The following RABGAP1L variants were observed in gnomAD, a reference collection of about 807,000 sequenced individuals.
RABGAP1L encodes the protein RAB GTPase activating protein 1 like.
RABGAP1L carries 63 observed loss-of-function variants against 137.7 expected under a neutral mutation model. The ratio of observed to expected loss-of-function variants is 0.46; its 90% CI spans 0.37 to 0.56. RABGAP1L has a LOEUF of 0.56. RABGAP1L is among the 20% of genes least tolerant of loss of function. The pLI, the probability that RABGAP1L is intolerant of heterozygous loss-of-function variation, is 0.00. For missense variants in RABGAP1L, 1,095 were observed against 1,244.0 expected, an observed-to-expected ratio of 0.88 and a Z score of 1.80; for synonymous variants, 431 against 433.7, an observed-to-expected ratio of 0.99 and a Z score of 0.08.
At chr1:174,509,648 A>G (rs1442081487) in intron 13 of RABGAP1L, among the ~76,000 whole-genome samples, 2 of 152,264 alleles carry the variant, frequency 1.3e-5, no homozygotes, top group East Asian at 3.9e-4. Context: ...GTGATTCCCA[A>G]ACATATATTC....
At chr1:174,908,660 A>G (rs1046108543) in intron 19 of RABGAP1L, among the ~76,000 whole-genome samples, 28 of 148,046 alleles carry the variant, frequency 1.9e-4, no homozygotes, top group Admixed American at 9.0e-4. Context: ...CTCCTGCCTC[A>G]GCCTCCTGAG....
intron 10 of RABGAP1L, 127 bp from the exon 11 acceptor site, chr1:174,304,859 C>T: frequency 1.2e-6 from 1 of 809,220 alleles, no homozygotes; most frequent in Non-Finnish European, 1.8e-6. Context: ...GAACCTCAGA[C>T]ATGCTGTAGA....
chr1:174,800,545 T>C, intron 18 of RABGAP1L: 1 of 1,532,396 alleles, frequency 6.5e-7, no homozygotes, highest in Non-Finnish European at 8.8e-7. Flanking sequence ...GAATCTGCTA[T>C]CCTCTGTGAA....
chr1:174,988,007 C>T (rs1023745742), intron 24 of RABGAP1L, among the ~76,000 whole-genome samples: 1 of 152,090 alleles, frequency 6.6e-6, no homozygotes, highest in African/African-American at 2.4e-5. Flanking sequence ...GACGAGGTTT[C>T]ACCGTGTTAG....
chr1:174,207,963 G>C (rs1448396390), intron 1 of RABGAP1L, among the ~76,000 whole-genome samples: 1 of 152,080 alleles, frequency 6.6e-6, no homozygotes, highest in Non-Finnish European at 1.5e-5. Context: ...TACTCAAGTT[G>C]GGAAGAATTG....
At chr1:174,214,452 A>G (rs112267695) in intron 1 of RABGAP1L, among the ~76,000 whole-genome samples, 68 of 152,258 alleles carry the variant, frequency 4.5e-4, no homozygotes, top group Admixed American at 1.1e-3. Flanking sequence ...TATCAAAATA[A>G]CAATGACATT....
chr1:174,330,562 A>G (rs1680945277), intron 11 of RABGAP1L, among the ~76,000 whole-genome samples: 1 of 151,778 alleles, frequency 6.6e-6, no homozygotes, highest in South Asian at 2.1e-4. Context: ...TCCACCCTGA[A>G]TGACAGAGTG....
intron 13 of RABGAP1L, among the ~76,000 whole-genome samples, chr1:174,542,767 G>A (rs1052376156): frequency 2.0e-5 from 3 of 152,206 alleles, no homozygotes; most frequent in African/African-American, 7.2e-5. Flanking sequence ...TGCTTTAAAT[G>A]TGTCCCAGAG....
intron 17 of RABGAP1L, among the ~76,000 whole-genome samples, chr1:174,719,383 C>T (rs935090382): frequency 2.6e-5 from 4 of 152,072 alleles, no homozygotes; most frequent in South Asian, 2.1e-4. Context: ...ATAATAGACT[C>T]GATATCAAAT....
At chr1:174,232,456 G>T (rs1670747724) in intron 4 of RABGAP1L, among the ~76,000 whole-genome samples, 1 of 150,410 alleles carries the variant, frequency 6.6e-6, no homozygotes, top group African/African-American at 2.5e-5. Context: ...CTGCACTCCA[G>T]TCTGGGTGAC....
chr1:174,472,622 A>G (rs1232370901), intron 13 of RABGAP1L, among the ~76,000 whole-genome samples: 1 of 152,220 alleles, frequency 6.6e-6, no homozygotes, highest in Non-Finnish European at 1.5e-5. Flanking sequence ...GATGAGCTTA[A>G]TTACTCAAGT....
intron 7 of RABGAP1L, among the ~76,000 whole-genome samples, chr1:174,262,162 A>G (rs995583717): frequency 1.6e-4 from 24 of 152,176 alleles, no homozygotes; most frequent in Non-Finnish European, 2.5e-4. Flanking sequence ...TTTCAGGTGA[A>G]TAATTTGGGG....
At chr1:174,926,767 A>G (rs546533782) in intron 19 of RABGAP1L, among the ~76,000 whole-genome samples, 2 of 152,170 alleles carry the variant, frequency 1.3e-5, no homozygotes, top group South Asian at 4.2e-4. Flanking sequence ...CATCAACAGT[A>G]ACTTCTCTGT....
chr1:174,440,383 T>C (rs554547261), intron 13 of RABGAP1L, among the ~76,000 whole-genome samples: 4 of 152,258 alleles, frequency 2.6e-5, no homozygotes, highest in East Asian at 3.9e-4. Context: ...CAAGGCCACA[T>C]TGGAAGCCAC....
At chr1:174,736,647 C>T (rs1020200953) in intron 17 of RABGAP1L, among the ~76,000 whole-genome samples, 2 of 152,220 alleles carry the variant, frequency 1.3e-5, no homozygotes, top group Admixed American at 6.5e-5. Flanking sequence ...GTTCTCTGTG[C>T]AGGCGCTGCC....
chr1:174,873,232 C>G lies in RABGAP1L; in HGVS notation c.2340+61272C>G, dbSNP rs1043461936. Among the ~76,000 whole-genome samples, 6 of 152,040 alleles carry G rather than the reference C, an allele frequency of 3.9e-5. No homozygotes were observed. In the South Asian group the frequency reaches 1.2e-3, roughly 32 times the overall value. Reference sequence around the variant, plus strand: ...TACAGGCACACACCACCATGCCCGGCTAATTTTTTTGTATTTTTATTAGAG... The same window carrying G: ...TACAGGCACACACCACCATGCCCGGGTAATTTTTTTGTATTTTTATTAGAG... On this transcript the variant is annotated intron_variant, in intron 19 of 25. Coordinates refer to ENST00000681986, the MANE Select transcript of RABGAP1L (RefSeq NM_001366446.1).
chr1:174,349,659 A>G (rs1206739982), intron 11 of RABGAP1L, among the ~76,000 whole-genome samples: 1 of 118,152 alleles, frequency 8.5e-6, no homozygotes. Context: ...TCCCTCCCGG[A>G]CGAGGCGGCT....
Position 174,448,827 on chromosome 1 carries a change from A to G in RABGAP1L, c.1710+54682A>G. 2 of 1,614,132 alleles carry G rather than the reference A, an allele frequency of 1.2e-6. No individual in the cohort carries two copies. Among genetic ancestry groups the G allele is most frequent in the South Asian group, 2.2e-5 (2 of 91,068 alleles). On this transcript the variant is annotated intron_variant, in intron 13 of 25. Transcript: ENST00000681986. This position sits in a 1 kb window ranked among gnomAD's most constrained non-coding sequence, Gnocchi z 4.2. ...CGTCAGCACACCAAAGAGATAAATG[A>G]CCGAAGAGCCCGATTCCCTAGTCAT...
chr1:174,775,038 A>G (rs1486364300), intron 18 of RABGAP1L, among the ~76,000 whole-genome samples: 1 of 152,232 alleles, frequency 6.6e-6, no homozygotes, highest in Non-Finnish European at 1.5e-5. Context: ...AATTTGTTCA[A>G]TTATCTCTTA....
Sources: allele counts gnomAD v4.1 joint callset (sites outside exome capture counted in the v4.1 genomes callset), GRCh38; gene constraint gnomAD v4.1.1; non-coding constraint Gnocchi (gnomAD v3.1); transcripts MANE v1.5; gene names NCBI Gene and HGNC (gene_info 2026-07-23, HGNC 2026-07-21).